Variants in DPYD observed in about 807,000 individuals in gnomAD.
DPYD encodes the protein dihydropyrimidine dehydrogenase [NADP(+)].
Under a neutral mutation model 116.2 loss-of-function variants are expected in DPYD, and 109 were observed. That is an observed-to-expected ratio of 0.94 (90% CI 0.80 to 1.10). DPYD has a LOEUF of 1.10. DPYD is among the 50% of genes least tolerant of loss of function. The pLI is 0.00. For synonymous variants in DPYD, 440 were observed against 432.0 expected (o/e 1.02, Z -0.23); for missense variants, 1,302 against 1,254.5 (o/e 1.04, Z -0.57).
At chr1:97,299,558 T>C (rs1318275945) in intron 18 of DPYD, among the ~76,000 whole-genome samples, 1 of 152,172 alleles carries the variant, frequency 6.6e-6, no homozygotes, top group Non-Finnish European at 1.5e-5. Context: ...GGAAAGGATG[T>C]AGACCTTGAT....
intron 20 of DPYD, among the ~76,000 whole-genome samples, chr1:97,156,208 T>G (rs947094779): frequency 3.3e-5 from 5 of 152,174 alleles, no homozygotes; most frequent in African/African-American, 1.2e-4. Context: ...GAATCTCACT[T>G]TAATAATACC....
chr1:97,329,105 A>C (rs534639246), intron 16 of DPYD, among the ~76,000 whole-genome samples: 152 of 152,204 alleles, frequency 1.0e-3, no homozygotes, highest in Non-Finnish European at 1.8e-3. Context: ...AGCCTAAAGC[A>C]CCTATTAAAC....
At chr1:97,465,563 C>A (rs1370908351) in intron 13 of DPYD, among the ~76,000 whole-genome samples, 1 of 152,096 alleles carries the variant, frequency 6.6e-6, no homozygotes, top group Non-Finnish European at 1.5e-5. Flanking sequence ...CTCATGAGAT[C>A]TGATGGTTTT....
chr1:97,433,005 G>A (rs542702484), intron 14 of DPYD, among the ~76,000 whole-genome samples: 33 of 152,150 alleles, frequency 2.2e-4, no homozygotes, highest in African/African-American at 7.2e-4. Flanking sequence ...TAGGTTTTTA[G>A]GTTGCTCGGG....
intron 18 of DPYD, among the ~76,000 whole-genome samples, chr1:97,299,107 G>C (rs943029965): frequency 6.6e-6 from 1 of 152,040 alleles, no homozygotes; most frequent in African/African-American, 2.4e-5. Flanking sequence ...GAGATGTGTA[G>C]TTCTAAATTA....
chr1:97,764,596 T>C (rs2101137083), intron 3 of DPYD, among the ~76,000 whole-genome samples: 1 of 152,226 alleles, frequency 6.6e-6, no homozygotes, highest in African/African-American at 2.4e-5. Context: ...CCATATTTTA[T>C]GTGAAAAGAA....
At chr1:97,202,776 C>G (rs939529598) in intron 19 of DPYD, among the ~76,000 whole-genome samples, 2 of 152,152 alleles carry the variant, frequency 1.3e-5, no homozygotes, top group African/African-American at 4.8e-5. Flanking sequence ...TAACTGGACT[C>G]AGATCTCAAT....
chr1:97,132,638 T>C (rs1653426437), intron 20 of DPYD, among the ~76,000 whole-genome samples: 1 of 152,148 alleles, frequency 6.6e-6, no homozygotes, highest in Non-Finnish European at 1.5e-5. Flanking sequence ...TTCCATCTTT[T>C]TCATGTGCAA....
chr1:97,823,145 GTTTTGTT>G (rs900328486), intron 3 of DPYD, among the ~76,000 whole-genome samples: 1 of 151,836 alleles, frequency 6.6e-6, no homozygotes, highest in East Asian at 1.9e-4. Flanking sequence ...TTGTTTGTTT[GTTTTGTT>G]TTTTGTTTTT....
At chr1:97,257,725 T>G (rs1663596940) in intron 18 of DPYD, among the ~76,000 whole-genome samples, 1 of 152,010 alleles carries the variant, frequency 6.6e-6, no homozygotes, top group African/African-American at 2.4e-5. Context: ...ATATTTTCAT[T>G]CATTAAATAA....
chr1:97,268,872 C>T (rs1379303647), intron 18 of DPYD, among the ~76,000 whole-genome samples: 1 of 152,152 alleles, frequency 6.6e-6, no homozygotes, highest in Non-Finnish European at 1.5e-5. Flanking sequence ...AGCAAACAGT[C>T]GCTTAGCCAC....
chr1:97,644,790 C>T (rs527826988), intron 8 of DPYD, among the ~76,000 whole-genome samples: 2 of 151,978 alleles, frequency 1.3e-5, no homozygotes, highest in East Asian at 3.9e-4. Context: ...AAATATTTCA[C>T]ACATACATTC....
chr1:97,446,590 G>A (rs918095826), intron 14 of DPYD, among the ~76,000 whole-genome samples: 4 of 152,118 alleles, frequency 2.6e-5, no homozygotes, highest in African/African-American at 9.7e-5. Context: ...CTCTAACAAA[G>A]CCATCATTTC....
chr1:97,305,434 A>AC, intron 17 of DPYD, 56 bp from the exon 18 acceptor site: 1 of 1,608,576 alleles, frequency 6.2e-7, no homozygotes, highest in Non-Finnish European at 8.5e-7. Flanking sequence ...GATAGTTAAA[A>AC]CCCATTCAAA....
intron 18 of DPYD, among the ~76,000 whole-genome samples, chr1:97,290,712 A>C (rs1308456561): frequency 1.3e-5 from 2 of 151,902 alleles, no homozygotes; most frequent in Non-Finnish European, 2.9e-5. Context: ...CTTAAACGTT[A>C]GACCTAAAAC....
chr1:97,881,073 A>G (rs1672194084), intron 2 of DPYD, among the ~76,000 whole-genome samples: 1 of 152,012 alleles, frequency 6.6e-6, no homozygotes, highest in East Asian at 1.9e-4. Context: ...TTACTGGTGC[A>G]AGTGTTTGAT....
At chr1:97,229,918 A>C (rs1225237941) in intron 19 of DPYD, among the ~76,000 whole-genome samples, 3 of 152,178 alleles carry the variant, frequency 2.0e-5, no homozygotes, top group South Asian at 4.1e-4. Flanking sequence ...ATACCATGTG[A>C]ATCCTTGTAT....
At position 97,464,290 on chromosome 1, in the gene DPYD, A is replaced by G. The variant is rs916343817; in HGVS notation, c.1741-14067T>C. ...AAATAAAATAAAATAAAATAAAGAAAAGAAAATTTTCAACCTGGCAATGAG... is the reference window on the plus strand; with the variant it reads ...AAATAAAATAAAATAAAATAAAGAAGAGAAAATTTTCAACCTGGCAATGAG... On this transcript the variant is annotated intron_variant, in intron 13 of 22. Coordinates refer to ENST00000370192, the MANE Select transcript of DPYD (RefSeq NM_000110.4). Among the ~76,000 whole-genome samples the G allele has an allele frequency of 3.3e-5, 5 of 150,266 alleles. No homozygotes were observed. In the East Asian group the frequency reaches 9.9e-4, roughly 30 times the overall value.
At position 97,828,182 on chromosome 1, in the gene DPYD, C is replaced by T. The variant is rs139126323; in HGVS notation, c.165G>A (p.Leu55=). ...GCTTGATGTCATCAAAATTATTCTC[C>T]AGCTTCTCACAATTCTGCAACATAT... ...PDKNCFNCEK[L]ENNFDDIKHT... Residue 55 remains leucine, a synonymous_variant, in exon 3 of 23, where the codon CTG becomes CTA. Transcript: ENST00000370192. 18 of 1,613,220 alleles carry T rather than the reference C, an allele frequency of 1.1e-5. No individual in the cohort carries two copies. The highest frequency in any genetic ancestry group is 1.3e-5 in the Non-Finnish European group (15 of 1,179,768).
Sources: gnomAD v4.1 joint callset for allele counts (sites outside exome capture counted in the v4.1 genomes callset) on GRCh38, gnomAD v4.1.1 for gene constraint, MANE v1.5 for transcripts, NCBI Gene and HGNC (gene_info 2026-07-23, HGNC 2026-07-21) for gene names.